GRID2: variants seen among roughly 807,000 people sequenced by gnomAD.
GRID2 encodes glutamate ionotropic receptor delta type subunit 2, also known as glutamate receptor ionotropic, delta-2.
In GRID2, 33 loss-of-function variants were observed where a neutral mutation model predicts 114.8. The observed-to-expected ratio is 0.29, with a 90% CI of 0.22 to 0.38. The LOEUF is 0.38. Ranked by LOEUF, GRID2 falls within the 10% of genes least tolerant of loss-of-function variation. The probability of loss-of-function intolerance (pLI) is 1.00; values close to 1 mark genes in which losing one functional copy is unlikely to be tolerated. For missense variants in GRID2, 1,184 were observed against 1,257.7 expected, an observed-to-expected ratio of 0.94 and a Z score of 0.89; for synonymous variants, 505 against 449.9, an observed-to-expected ratio of 1.12 and a Z score of -1.55.
chr4:92,641,443 AT>A (rs34458228), intron 2 of GRID2, among the ~76,000 whole-genome samples: 54,962 of 149,422 alleles, frequency 0.37, 10,277 homozygotes, highest in African/African-American at 0.44. Context: ...CCTGGCCAAT[AT>A]TTTTTTTTCT....
At chr4:92,500,459 T>G (rs1390752294) in intron 1 of GRID2, among the ~76,000 whole-genome samples, 1 of 152,184 alleles carries the variant, frequency 6.6e-6, no homozygotes, top group African/African-American at 2.4e-5. Context: ...TTAGGTGGAC[T>G]TAAGTGAAAT....
chr4:93,490,827 G>C, intron 12 of GRID2, 50 bp downstream of exon 12: 1 of 1,307,458 alleles, frequency 7.6e-7, no homozygotes. Context: ...AATGATAAGA[G>C]TGGCCAAAGC....
Position 92,383,851 on chromosome 4 carries a change from A to C in GRID2, c.88+79107A>C, listed in dbSNP as rs992414967. Among the ~76,000 whole-genome samples, 5 of 151,072 alleles carry C rather than the reference A, an allele frequency of 3.3e-5. No homozygotes were observed. The Middle Eastern group carries it at 0.01, about 310-fold the overall frequency. ...AAAATTAGCTTCATGATATTTAATT[A>C]TACTTTAAGTCTATACATTGTTCCT... On this transcript the variant is annotated intron_variant, in intron 1 of 15. Coordinates refer to ENST00000282020, the MANE Select transcript of GRID2 (RefSeq NM_001510.4).
At chr4:93,259,814 G>A (rs9997009) in intron 8 of GRID2, among the ~76,000 whole-genome samples, 106,549 of 151,484 alleles carry the variant, frequency 0.7, 38,141 homozygotes, top group Middle Eastern at 0.86. Flanking sequence ...TGTTTTTCTT[G>A]ACTATCTGAA....
At chr4:93,392,049 C>G (rs991012833) in intron 8 of GRID2, among the ~76,000 whole-genome samples, 2 of 152,062 alleles carry the variant, frequency 1.3e-5, no homozygotes, top group African/African-American at 4.8e-5. Flanking sequence ...TTTATCCCGT[C>G]TAAATTTTCT....
intron 2 of GRID2, among the ~76,000 whole-genome samples, chr4:93,042,088 A>G (rs1223005897): frequency 6.6e-6 from 1 of 151,914 alleles, no homozygotes; most frequent in African/African-American, 2.4e-5. Flanking sequence ...TATTTTTAGT[A>G]GAGACGGGGT....
At chr4:93,110,546 A>G (rs1732666028) in intron 3 of GRID2, among the ~76,000 whole-genome samples, 1 of 152,196 alleles carries the variant, frequency 6.6e-6, no homozygotes, top group Non-Finnish European at 1.5e-5. Context: ...TTAAAAAATA[A>G]CAATTCCTAC....
At chr4:92,957,976 G>C (rs1752528823) in intron 2 of GRID2, among the ~76,000 whole-genome samples, 1 of 152,000 alleles carries the variant, frequency 6.6e-6, no homozygotes, top group African/African-American at 2.4e-5. Flanking sequence ...ATAGGAAAGT[G>C]ATTAACTTGT....
chr4:93,793,768 A>G (rs747830395), intron 1 of GRID2, among the ~76,000 whole-genome samples: 10 of 152,200 alleles, frequency 6.6e-5, no homozygotes, highest in Non-Finnish European at 1.2e-4. Context: ...CTAAGCCTCA[A>G]AGCTTCAGAA....
chr4:92,423,735 A>T (rs934965978), intron 1 of GRID2, among the ~76,000 whole-genome samples: 5 of 152,082 alleles, frequency 3.3e-5, no homozygotes, highest in African/African-American at 1.2e-4. Flanking sequence ...ATGCAAACAG[A>T]GGGTAGTTGG....
intron 2 of GRID2, among the ~76,000 whole-genome samples, chr4:93,073,430 T>C (rs1464443465): frequency 6.6e-6 from 1 of 152,196 alleles, no homozygotes; most frequent in Admixed American, 6.5e-5. Flanking sequence ...AGATACAGTA[T>C]ATATTAGTGT....
chr4:92,522,058 A>G (rs545806257), intron 1 of GRID2, among the ~76,000 whole-genome samples: 107 of 151,938 alleles, frequency 7.0e-4, no homozygotes, highest in Non-Finnish European at 1.3e-3. Flanking sequence ...GATAAAGATA[A>G]TCCACTGTGG....
intron 2 of GRID2, among the ~76,000 whole-genome samples, chr4:92,714,793 C>T (rs962283978): frequency 2.0e-5 from 3 of 152,150 alleles, no homozygotes; most frequent in African/African-American, 7.2e-5. Flanking sequence ...GCACCAAGTC[C>T]CTAGAGCACA....
intron 8 of GRID2, among the ~76,000 whole-genome samples, chr4:93,249,132 C>A (rs1473291389): frequency 1.3e-5 from 2 of 152,096 alleles, no homozygotes; most frequent in Non-Finnish European, 2.9e-5. Context: ...ATAGGGAATC[C>A]TTTCACCATT....
chr4:92,982,440 T>C (rs1418882119), intron 2 of GRID2, among the ~76,000 whole-genome samples: 1 of 152,230 alleles, frequency 6.6e-6, no homozygotes, highest in Admixed American at 6.5e-5. Context: ...GATTAAAAAT[T>C]ACTCAAATTC....
intron 2 of GRID2, among the ~76,000 whole-genome samples, chr4:92,982,783 A>T (rs548564998): frequency 6.6e-6 from 1 of 152,230 alleles, no homozygotes; most frequent in African/African-American, 2.4e-5. Context: ...ATAATAATAG[A>T]TGTTAAGCAG....
At chr4:92,802,060 T>G (rs769593777) in intron 2 of GRID2, among the ~76,000 whole-genome samples, 1 of 151,944 alleles carries the variant, frequency 6.6e-6, no homozygotes, top group African/African-American at 2.4e-5. Flanking sequence ...TGCTGTTAAT[T>G]ATGCCAATGT....
intron 1 of GRID2, among the ~76,000 whole-genome samples, chr4:92,391,317 C>T (rs930845701): frequency 6.6e-6 from 1 of 152,086 alleles, no homozygotes. Context: ...ACAATTGATA[C>T]GACTTCATGG....
chr4:93,546,863 G>T (rs1733269290), intron 13 of GRID2, among the ~76,000 whole-genome samples: 1 of 152,044 alleles, frequency 6.6e-6, no homozygotes, highest in Non-Finnish European at 1.5e-5. Context: ...TGAGGTCCTG[G>T]TACCTACTCT....
Sources: allele counts gnomAD v4.1 joint callset (sites outside exome capture counted in the v4.1 genomes callset), GRCh38; gene constraint gnomAD v4.1.1; transcripts MANE v1.5; gene names NCBI Gene and HGNC (gene_info 2026-07-23, HGNC 2026-07-21).